Variants in UNKL observed in about 807,000 individuals in gnomAD.
UNKL encodes putative E3 ubiquitin-protein ligase UNKL.
In UNKL, 60 loss-of-function variants were observed where a neutral mutation model predicts 78.0. The ratio of observed to expected loss-of-function variants is 0.77; its 90% CI spans 0.63 to 0.95. The LOEUF (loss-of-function observed/expected upper bound fraction) is 0.95, where lower values mean the gene tolerates loss of function less well. Among genes scored for constraint, UNKL ranks in the 40% least tolerant of loss-of-function variants. The pLI, the probability that UNKL is intolerant of heterozygous loss-of-function variation, is 0.00. For synonymous variants in UNKL, 608 were observed against 474.8 expected (o/e 1.28, Z -3.65); for missense variants, 1,159 against 1,045.7 (o/e 1.11, Z -1.49).
rs1232431783 is a variant in UNKL, at chr16:1,398,681, A to AC, written c.734+692dup. 107 of 696,520 alleles carry AC rather than the reference A, an allele frequency of 1.5e-4. 3 individuals carry two copies. Among genetic ancestry groups the AC allele is most frequent in the South Asian group, 4.1e-4 (19 of 45,978 alleles). 43.1% of individuals were successfully genotyped at this position (696,520 alleles called of 1,614,324 possible). On this transcript the variant is annotated intron_variant, in intron 5 of 14. Transcript: ENST00000389221. ...CATCCAGACACCCTGTGGGGTCTGC[A>AC]CCCCCCCACCCCCCTCTCAGGTGCA...
At position 1,399,645 on chromosome 16, in the gene UNKL, C is replaced by T. The variant is rs2037431199; in HGVS notation, c.599-136G>A. The T allele has an allele frequency of 3.1e-6, 4 of 1,295,172 alleles. No individual in the cohort carries two copies. The East Asian group carries it at 1.0e-4, about 33-fold the overall frequency. The allele number at this position is 1,295,172 out of a possible 1,614,324, so 80.2% of individuals were successfully genotyped here. On this transcript the variant is annotated intron_variant, in intron 4 of 14. Transcript: ENST00000389221. This position sits in a 1 kb window ranked among gnomAD's most constrained non-coding sequence, Gnocchi z 5.8. The stretch of plus-strand genomic sequence containing the variant: ...AGGACTTGGGGAGCGCAGACACACG[C>T]CACGGCACACGCTGATGTCAAAGGA...
chr16:1,403,125 A>G lies in UNKL; in HGVS notation c.464+43T>C, dbSNP rs375558099. On this transcript the variant is annotated intron_variant, in intron 3 of 14. Coordinates refer to ENST00000389221, the MANE Select transcript of UNKL (RefSeq NM_001372107.1). The surrounding 1 kb of genome is among the most constrained non-coding windows in gnomAD (Gnocchi z 4.8). Reference sequence around the variant, plus strand: ...TTCCTGCTCATCCAGCAGAGCCCACAGCAGCAGGCAGGCCAAGTGCCCACT... The same window carrying G: ...TTCCTGCTCATCCAGCAGAGCCCACGGCAGCAGGCAGGCCAAGTGCCCACT... The G allele has an allele frequency of 5.6e-5, 89 of 1,575,738 alleles. No individual in the cohort carries two copies. The African/African-American group carries it at 9.0e-4, about 16-fold the overall frequency.
intron 7 of UNKL, among the ~76,000 whole-genome samples, chr16:1,393,633 C>T (rs58071990): frequency 0.015 from 2,320 of 152,338 alleles, 48 homozygotes; most frequent in African/African-American, 0.052. Flanking sequence ...CTGGAAAGCA[C>T]AGGGTCACCC....
chr16:1,385,279 G>C lies in UNKL; in HGVS notation c.1193C>G (p.Thr398Ser). Residue 398 changes from threonine (T) to serine (S), a missense_variant, in exon 10 of 15, where the codon ACT becomes AGT. Thr to Ser is a moderately conservative substitution (Grantham distance 58). Transcript: ENST00000389221. ...ACGGGCGGGGGGCGCGGGCAGCGCA[G>C]TGGGGGAGGAGCTGCCGGAGCCGGC... ...SSAGSGSSSP[T>S]ALPAPPARAL... The C allele has an allele frequency of 7.3e-7, 1 of 1,363,816 alleles. No individual in the cohort carries two copies. Among genetic ancestry groups the C allele is most frequent in the Non-Finnish European group, 9.4e-7 (1 of 1,064,072 alleles). 84.5% of individuals were successfully genotyped at this position (1,363,816 alleles called of 1,614,324 possible). A position where few individuals can be genotyped will look rare whatever the true frequency, so the allele number is the denominator to read the frequency against.
chr16:1,413,704 G>A (rs1317023285), intron 2 of UNKL, 142 bp downstream of exon 2: 8 of 964,720 alleles, frequency 8.3e-6, no homozygotes, highest in Admixed American at 2.9e-5. Context: ...CTGGTCACTA[G>A]AAAATTTCAG....
At chr16:1,392,235 T>G (rs113319185) in intron 8 of UNKL, among the ~76,000 whole-genome samples, 2 of 152,172 alleles carry the variant, frequency 1.3e-5, no homozygotes, top group Admixed American at 6.5e-5. Context: ...TGAGAAACAG[T>G]AGATGCAGGA....
chr16:1,380,971 G>A (rs150077018), intron 10 of UNKL, among the ~76,000 whole-genome samples: 55 of 152,242 alleles, frequency 3.6e-4, no homozygotes, highest in East Asian at 2.7e-3. Flanking sequence ...CACTGCTCAC[G>A]GCTCAGGAAA....
At chr16:1,374,262 C>G (rs1718532068) in intron 10 of UNKL, among the ~76,000 whole-genome samples, 1 of 152,234 alleles carries the variant, frequency 6.6e-6, no homozygotes, top group Non-Finnish European at 1.5e-5. Flanking sequence ...CATCCACTCT[C>G]CCATGTGCGC....
At position 1,366,117 on chromosome 16, in the gene UNKL, CAG is replaced by C. The variant is rs2035230495; in HGVS notation, c.*121_*122del. The C allele has an allele frequency of 1.6e-6, 2 of 1,228,270 alleles. No homozygotes were observed. The allele number at this position is 1,228,270 out of a possible 1,614,324, so 76.1% of individuals were successfully genotyped here. On this transcript the variant is annotated 3_prime_UTR_variant, in exon 15 of 15. Coordinates refer to ENST00000389221, the MANE Select transcript of UNKL (RefSeq NM_001372107.1). ...CTCCCAGCCTCATGATAACGTGTAA[CAG>C]GAAGGGCTCCCAGCCTCGGTCCTCA...
intron 11 of UNKL, 106 bp from the exon 12 acceptor site, chr16:1,370,463 G>GT (rs2035712136): frequency 2.1e-5 from 30 of 1,459,928 alleles, no homozygotes; most frequent in Non-Finnish European, 2.7e-5. Flanking sequence ...TGGTGGTGGT[G>GT]GGGATATGGG....
At chr16:1,404,461 G>A (rs2037662342) in intron 2 of UNKL, among the ~76,000 whole-genome samples, 1 of 152,202 alleles carries the variant, frequency 6.6e-6, no homozygotes. Context: ...CCCAGGCTCC[G>A]CTGGGCACCT....
rs2034994760 is a variant in UNKL, at chr16:1,363,483, A to C, written c.*2757T>G. The C allele has an allele frequency of 3.1e-6, 1 of 319,894 alleles. No homozygotes were observed. Among genetic ancestry groups the C allele is most frequent in the South Asian group, 2.6e-5 (1 of 39,156 alleles). The allele number at this position is 319,894 out of a possible 1,614,324, so 19.8% of individuals were successfully genotyped here. On this transcript the variant is annotated 3_prime_UTR_variant, in exon 15 of 15. Transcript: ENST00000389221. ...CAAGGTCTGCTGACCACAGTTACAC[A>C]CGTCGTGACACCACTGTATCACGGC... is the stretch of plus-strand genomic sequence containing the variant.
intron 10 of UNKL, among the ~76,000 whole-genome samples, chr16:1,381,154 G>A (rs1421128214): frequency 6.6e-6 from 1 of 152,202 alleles, no homozygotes; most frequent in African/African-American, 2.4e-5. Flanking sequence ...CAAGCACACA[G>A]GCACCTGGGT....
rs2037401915 is a variant in UNKL at position 1,399,117 on chromosome 16, G to C, written c.734+257C>G. On this transcript the variant is annotated intron_variant, in intron 5 of 14. Coordinates refer to ENST00000389221, the MANE Select transcript of UNKL (RefSeq NM_001372107.1). The surrounding 1 kb of genome is among the most constrained non-coding windows in gnomAD (Gnocchi z 5.8). ...CCCTCCTGCAGTGCTCCGTCCCCTTGCCTGGCAGAGGGGCCCCGGTAGGGG... is the reference window on the plus strand; with the variant it reads ...CCCTCCTGCAGTGCTCCGTCCCCTTCCCTGGCAGAGGGGCCCCGGTAGGGG... The C allele has an allele frequency of 1.7e-6, 2 of 1,189,390 alleles. No homozygotes were observed. Among genetic ancestry groups the C allele is most frequent in the East Asian group, 5.3e-5 (2 of 38,032 alleles). 73.7% of individuals were successfully genotyped at this position (1,189,390 alleles called of 1,614,324 possible).
At chr16:1,388,127 G>A (rs2036895308) in intron 9 of UNKL, among the ~76,000 whole-genome samples, 1 of 152,286 alleles carries the variant, frequency 6.6e-6, no homozygotes, top group African/African-American at 2.4e-5. Context: ...CCACCAAGAA[G>A]CCGTGGACGA....
chr16:1,384,649 A>G (rs1282672599), intron 10 of UNKL, among the ~76,000 whole-genome samples: 1 of 151,462 alleles, frequency 6.6e-6, no homozygotes, highest in Non-Finnish European at 1.5e-5. Context: ...CCCAGGCTGG[A>G]GTACAGTGGT....
At chr16:1,370,884 C>G (rs995850981) in intron 11 of UNKL, among the ~76,000 whole-genome samples, 1 of 152,110 alleles carries the variant, frequency 6.6e-6, no homozygotes, top group Non-Finnish European at 1.5e-5. Flanking sequence ...GAGATGGAGA[C>G]CATCCTGGCT....
chr16:1,385,456 G>A (rs2036776060), intron 9 of UNKL, 71 bp from the exon 10 acceptor site: 6 of 1,263,856 alleles, frequency 4.7e-6, no homozygotes, highest in Non-Finnish European at 6.0e-6. Context: ...TCGGCACCCT[G>A]CAGAAAGCAC....
chr16:1,366,741 C>G (rs1490790508), intron 14 of UNKL, among the ~76,000 whole-genome samples: 1 of 152,200 alleles, frequency 6.6e-6, no homozygotes, highest in Non-Finnish European at 1.5e-5. Flanking sequence ...AGAGCCCACC[C>G]TTAGCAGGCG....
Sources: allele counts gnomAD v4.1 joint callset (sites outside exome capture counted in the v4.1 genomes callset), GRCh38; gene constraint gnomAD v4.1.1; non-coding constraint Gnocchi (gnomAD v3.1); transcripts MANE v1.5; gene names NCBI Gene and HGNC (gene_info 2026-07-23, HGNC 2026-07-21).